Variants in EIF4G3 observed in about 807,000 individuals in gnomAD.
EIF4G3 encodes eukaryotic translation initiation factor 4 gamma 3.
A neutral mutation model predicts 186.4 loss-of-function variants in EIF4G3; 34 were observed. The ratio of observed to expected loss-of-function variants is 0.18; its 90% CI spans 0.14 to 0.24. The LOEUF is 0.24. EIF4G3 is among the 10% of genes least tolerant of loss of function. EIF4G3 has a pLI of 1.00. For synonymous variants in EIF4G3, 673 were observed against 679.5 expected (o/e 0.99, Z 0.15); for missense variants, 1,536 against 1,948.5 (o/e 0.79, Z 3.99).
chr1:20,984,583 C>T (rs12126405), intron 7 of EIF4G3, among the ~76,000 whole-genome samples: 25 of 100,390 alleles, frequency 2.5e-4, no homozygotes, highest in East Asian at 1.4e-3. Flanking sequence ...CACACACACA[C>T]ATATATACAC....
chr1:21,159,211 T>C (rs184650689), intron 2 of EIF4G3, among the ~76,000 whole-genome samples: 218 of 151,722 alleles, frequency 1.4e-3, no homozygotes, highest in Non-Finnish European at 2.3e-3. Context: ...GGCAGGAGGA[T>C]TGCTTAAGCC....
chr1:21,060,782 G>GAAAAAA (rs34598369), intron 3 of EIF4G3, among the ~76,000 whole-genome samples: 8 of 117,370 alleles, frequency 6.8e-5, no homozygotes, highest in African/African-American at 1.0e-4. Flanking sequence ...TGTCTCTTAA[G>GAAAAAA]AAAAAAAAAA....
rs1423939832 is a variant in EIF4G3 at position 20,865,026 on chromosome 1, T to TCCCTCTTA, written c.2769+89_2769+90insTAAGAGGG. ...AAAAGGCCATAGGTCCCTCTTAAGG[T>TCCCTCTTA]AGCAGGGAGATGCTGTATCTAGCTT... On this transcript the variant is annotated intron_variant, in intron 21 of 36. Transcript: ENST00000602326. The TCCCTCTTA allele has an allele frequency of 4.8e-6, 7 of 1,449,034 alleles. No individual in the cohort carries two copies. In the East Asian group the frequency reaches 1.1e-4, roughly 24 times the overall value. The allele number at this position is 1,449,034 out of a possible 1,614,324, so 89.8% of individuals were successfully genotyped here.
chr1:20,955,004 T>A (rs1302329302), intron 12 of EIF4G3, among the ~76,000 whole-genome samples: 2 of 152,110 alleles, frequency 1.3e-5, no homozygotes, highest in Non-Finnish European at 2.9e-5. Flanking sequence ...AGAGAACACA[T>A]GTACGAAGAT....
intron 3 of EIF4G3, chr1:21,073,723 A>G: frequency 2.0e-6 from 1 of 498,934 alleles, no homozygotes; most frequent in Non-Finnish European, 4.0e-6. Flanking sequence ...GTTTTGTTAG[A>G]GACTGTATTG....
intron 28 of EIF4G3, 87 bp from the exon 29 acceptor site, chr1:20,849,617 T>C (rs2154550253): frequency 1.9e-6 from 1 of 534,978 alleles, no homozygotes; most frequent in East Asian, 3.3e-5. Flanking sequence ...TTATGTGCTA[T>C]TACATTATTT....
chr1:20,929,485 T>C (rs2095173393), intron 14 of EIF4G3: 1 of 152,226 alleles, frequency 6.6e-6, no homozygotes, highest in South Asian at 2.1e-4. Context: ...ATCAACTCCT[T>C]GAGCTTCCTT....
chr1:20,890,254 T>C (rs1319061598), intron 18 of EIF4G3, among the ~76,000 whole-genome samples: 1 of 152,112 alleles, frequency 6.6e-6, no homozygotes, highest in Non-Finnish European at 1.5e-5. Context: ...ATTACAGGCA[T>C]GAGCTGTAGA....
chr1:21,101,573 A>AAAAAAAAAAAAAAAAAC (rs1300347804), intron 2 of EIF4G3, among the ~76,000 whole-genome samples: 14 of 140,230 alleles, frequency 1.0e-4, no homozygotes, highest in East Asian at 2.0e-4. Flanking sequence ...AAAAAAAAAA[A>AAAAAAAAAAAAAAAAAC]AACAACAAAA....
At chr1:21,047,605 T>C (rs2093967898) in intron 4 of EIF4G3, among the ~76,000 whole-genome samples, 1 of 152,104 alleles carries the variant, frequency 6.6e-6, no homozygotes. Flanking sequence ...ATGAAGAGGG[T>C]ACTCAAGCCC....
intron 20 of EIF4G3, among the ~76,000 whole-genome samples, chr1:20,869,985 A>C (rs778592902): frequency 6.6e-6 from 1 of 152,172 alleles, no homozygotes; most frequent in African/African-American, 2.4e-5. Flanking sequence ...TCTCTGTTAG[A>C]TATACCTGAA....
At chr1:21,096,472 T>G (rs2096373428) in intron 2 of EIF4G3, among the ~76,000 whole-genome samples, 1 of 152,218 alleles carries the variant, frequency 6.6e-6, no homozygotes, top group Admixed American at 6.5e-5. Context: ...ACTTCACCAC[T>G]ACAGCAGTAT....
chr1:20,889,749 C>T (rs889484526), intron 18 of EIF4G3, among the ~76,000 whole-genome samples: 9 of 152,160 alleles, frequency 5.9e-5, no homozygotes, highest in African/African-American at 2.2e-4. Context: ...CTCGGCCTCC[C>T]AAAGTGCTGG....
chr1:20,840,220 A>G (rs1388382503), intron 30 of EIF4G3, among the ~76,000 whole-genome samples: 1 of 152,260 alleles, frequency 6.6e-6, no homozygotes, highest in Non-Finnish European at 1.5e-5. Flanking sequence ...AACCTGATCC[A>G]TGTACTTGTG....
chr1:21,118,149 G>C (rs1022932799), intron 2 of EIF4G3, among the ~76,000 whole-genome samples: 3 of 152,050 alleles, frequency 2.0e-5, no homozygotes, highest in African/African-American at 4.8e-5. Flanking sequence ...TTTTTCAAAG[G>C]CCGCATAACC....
intron 9 of EIF4G3, 129 bp from the exon 10 acceptor site, chr1:20,980,577 G>A: frequency 1.6e-6 from 1 of 635,352 alleles, no homozygotes; most frequent in Non-Finnish European, 2.6e-6. Flanking sequence ...ATTTAAATGA[G>A]GTAAAGCGAT....
At chr1:21,024,361 G>T (rs1416337371) in intron 4 of EIF4G3, among the ~76,000 whole-genome samples, 7 of 152,144 alleles carry the variant, frequency 4.6e-5, no homozygotes, top group Non-Finnish European at 1.0e-4. Flanking sequence ...TCAGCCCCCT[G>T]CCCAGCCAGC....
intron 2 of EIF4G3, among the ~76,000 whole-genome samples, chr1:21,155,101 A>G (rs1298060099): frequency 3.3e-5 from 5 of 151,856 alleles, no homozygotes; most frequent in Admixed American, 3.3e-4. Context: ...CATCTCCACT[A>G]AAAATACAAA....
intron 2 of EIF4G3, among the ~76,000 whole-genome samples, chr1:21,138,907 C>A (rs2097293418): frequency 5.9e-5 from 9 of 152,108 alleles, no homozygotes; most frequent in Admixed American, 5.2e-4. Context: ...TTTTTTCAGA[C>A]AAAGTCTCAC....
Sources: gnomAD v4.1 joint callset for allele counts (sites outside exome capture counted in the v4.1 genomes callset) on GRCh38, gnomAD v4.1.1 for gene constraint, MANE v1.5 for transcripts, NCBI Gene and HGNC (gene_info 2026-07-23, HGNC 2026-07-21) for gene names.